The following SNTG1 variants were observed in gnomAD, a reference collection of about 807,000 sequenced individuals.
SNTG1 encodes syntrophin gamma 1, also known as gamma-1-syntrophin.
SNTG1 carries 39 observed loss-of-function variants against 74.7 expected under a neutral mutation model. That is an observed-to-expected ratio of 0.52 (90% confidence interval 0.40 to 0.68). The LOEUF (loss-of-function observed/expected upper bound fraction) is 0.68, where lower values mean the gene tolerates loss of function less well. Ranked by LOEUF, SNTG1 falls within the 30% of genes least tolerant of loss-of-function variation. The pLI, the probability that SNTG1 is intolerant of heterozygous loss-of-function variation, is 0.00. For synonymous variants in SNTG1, 254 were observed against 217.1 expected, an observed-to-expected ratio of 1.17 and a Z score of -1.49; for missense variants, 685 against 609.5, an observed-to-expected ratio of 1.12 and a Z score of -1.30.
chr8:50,036,439 C>T (rs183279726), intron 1 of SNTG1, among the ~76,000 whole-genome samples: 48 of 152,294 alleles, frequency 3.2e-4, no homozygotes, highest in Non-Finnish European at 4.7e-4. Flanking sequence ...TAAGCTTCAG[C>T]ATAGATAGCC....
chr8:50,272,061 T>C (rs940762028), intron 2 of SNTG1, among the ~76,000 whole-genome samples: 13 of 152,228 alleles, frequency 8.5e-5, no homozygotes, highest in African/African-American at 3.1e-4. Context: ...GTATTTTTTA[T>C]TGGACTTCCC....
At chr8:50,151,937 C>T (rs188222317) in intron 1 of SNTG1, among the ~76,000 whole-genome samples, 12 of 151,946 alleles carry the variant, frequency 7.9e-5, no homozygotes, top group African/African-American at 1.5e-4. Flanking sequence ...AGCTTGGTGC[C>T]GAGCTGAGTT....
At chr8:50,215,493 A>G (rs2084745162) in intron 2 of SNTG1, among the ~76,000 whole-genome samples, 2 of 147,756 alleles carry the variant, frequency 1.4e-5, no homozygotes. Context: ...ATATATATAG[A>G]CTATAGGCAT....
chr8:50,109,903 G>T (rs892068154), intron 1 of SNTG1, among the ~76,000 whole-genome samples: 7 of 152,136 alleles, frequency 4.6e-5, no homozygotes, highest in Non-Finnish European at 8.8e-5. Flanking sequence ...TCCCACCTTT[G>T]TCTTAAGTCA....
intron 1 of SNTG1, among the ~76,000 whole-genome samples, chr8:50,031,774 T>C (rs531218959): frequency 8.0e-4 from 122 of 152,230 alleles, no homozygotes; most frequent in African/African-American, 2.8e-3. Context: ...TGAATAATAT[T>C]GTCCGAAGTT....
intron 2 of SNTG1, among the ~76,000 whole-genome samples, chr8:50,215,253 T>C: frequency 6.6e-6 from 1 of 152,018 alleles, no homozygotes; most frequent in East Asian, 1.9e-4. Context: ...TTTGATGTTT[T>C]TATTTTTTTA....
At chr8:50,336,071 T>A (rs2130907326) in intron 2 of SNTG1, among the ~76,000 whole-genome samples, 2 of 152,210 alleles carry the variant, frequency 1.3e-5, no homozygotes, top group African/African-American at 4.8e-5. Context: ...TGAGATGAAT[T>A]AAGTATTATG....
intron 2 of SNTG1, among the ~76,000 whole-genome samples, chr8:50,273,611 G>A (rs1298232209): frequency 2.0e-5 from 3 of 152,212 alleles, no homozygotes; most frequent in African/African-American, 7.2e-5. Flanking sequence ...CTAAATAGGA[G>A]CAGATGCATG....
intron 11 of SNTG1, among the ~76,000 whole-genome samples, chr8:50,549,570 G>A: frequency 6.6e-6 from 1 of 151,880 alleles, no homozygotes; most frequent in East Asian, 1.9e-4. Flanking sequence ...ATGCTTCAAT[G>A]TCTCCACTGG....
intron 4 of SNTG1, among the ~76,000 whole-genome samples, chr8:50,429,706 C>A (rs1210072285): frequency 3.3e-5 from 5 of 151,888 alleles, no homozygotes; most frequent in African/African-American, 1.2e-4. Context: ...AGACAATACA[C>A]AAAATGGGAG....
At chr8:50,130,281 A>G (rs1303412492) in intron 1 of SNTG1, among the ~76,000 whole-genome samples, 6 of 152,272 alleles carry the variant, frequency 3.9e-5, no homozygotes, top group African/African-American at 1.4e-4. Context: ...TCTCACACAA[A>G]GCTAATTGGA....
At position 50,330,668 on chromosome 8, in the gene SNTG1, G is replaced by A. The variant is rs539562797; in HGVS notation, c.-27-63544G>A. 8.5e-5 allele frequency among the ~76,000 whole-genome samples: 13 copies of A among 152,262 alleles called. No individual in the cohort carries two copies. The South Asian group carries it at 2.7e-3, about 32-fold the overall frequency. On this transcript the variant is annotated intron_variant, in intron 2 of 18. Transcript: ENST00000642720. The stretch of plus-strand genomic sequence containing the variant: ...TACCTGAGACTGGGTAATTGATAAA[G>A]GAAAGAGGTTTCATTGACTCACAGT...
intron 12 of SNTG1, among the ~76,000 whole-genome samples, chr8:50,573,328 G>A (rs913729585): frequency 2.0e-5 from 3 of 152,062 alleles, no homozygotes; most frequent in Admixed American, 1.3e-4. Context: ...TAAAACAAAT[G>A]TGCACTTCTG....
chr8:49,973,347 A>C (rs1811886028), intron 1 of SNTG1, among the ~76,000 whole-genome samples: 1 of 145,380 alleles, frequency 6.9e-6, no homozygotes, highest in Non-Finnish European at 1.5e-5. Flanking sequence ...GGAACATCAC[A>C]CACCAGGGCC....
intron 1 of SNTG1, among the ~76,000 whole-genome samples, chr8:50,053,552 G>A (rs1244428788): frequency 1.3e-5 from 2 of 151,366 alleles, no homozygotes; most frequent in East Asian, 3.9e-4. Context: ...GACTTCAAAA[G>A]TGAACTTCAT....
intron 8 of SNTG1, among the ~76,000 whole-genome samples, chr8:50,461,491 C>G (rs994753022): frequency 6.6e-6 from 1 of 151,992 alleles, no homozygotes; most frequent in Admixed American, 6.6e-5. Flanking sequence ...ATTTAGAATT[C>G]TGTTAACATA....
At chr8:50,358,479 G>A (rs766536407) in intron 2 of SNTG1, among the ~76,000 whole-genome samples, 1 of 152,154 alleles carries the variant, frequency 6.6e-6, no homozygotes, top group African/African-American at 2.4e-5. Context: ...CATAAAGTGG[G>A]ATGGATGGCC....
At chr8:50,497,459 G>T (rs1337638882) in intron 8 of SNTG1, among the ~76,000 whole-genome samples, 1 of 151,552 alleles carries the variant, frequency 6.6e-6, no homozygotes, top group Non-Finnish European at 1.5e-5. Flanking sequence ...TAATTTATCA[G>T]AAATTCCCAA....
intron 1 of SNTG1, 146 bp downstream of exon 1, chr8:49,912,377 T>C (rs937835925): frequency 5.3e-5 from 8 of 152,216 alleles, no homozygotes; most frequent in Non-Finnish European, 1.0e-4. Flanking sequence ...TTCTGGATCA[T>C]TGTGTGACAA....
Sources: allele counts gnomAD v4.1 joint callset (sites outside exome capture counted in the v4.1 genomes callset), GRCh38; gene constraint gnomAD v4.1.1; transcripts MANE v1.5; gene names NCBI Gene and HGNC (gene_info 2026-07-23, HGNC 2026-07-21).